Variants in BABAM2 observed in about 807,000 individuals in gnomAD.
BABAM2 encodes BRISC and BRCA1 A complex member 2.
A neutral mutation model predicts 54.7 loss-of-function variants in BABAM2; 31 were observed. The observed-to-expected ratio is 0.57, with a 90% CI of 0.43 to 0.77. The LOEUF is 0.77. Among genes scored for constraint, BABAM2 ranks in the 30% least tolerant of loss-of-function variants. The pLI is 0.00. For missense variants in BABAM2, 364 were observed against 455.8 expected (o/e 0.80, Z 1.83); for synonymous variants, 167 against 162.9 (o/e 1.03, Z -0.19).
chr2:27,993,712 C>G (rs1009810264), intron 4 of BABAM2, among the ~76,000 whole-genome samples: 1 of 152,122 alleles, frequency 6.6e-6, no homozygotes, highest in African/African-American at 2.4e-5. Context: ...GTGTTTGGGA[C>G]AAGCATCTTC....
At chr2:27,932,432 T>C (rs990118891) in intron 3 of BABAM2, among the ~76,000 whole-genome samples, 1 of 152,210 alleles carries the variant, frequency 6.6e-6, no homozygotes, top group Admixed American at 6.5e-5. Context: ...ATCATATTTT[T>C]TCCCTCTTTT....
intron 6 of BABAM2, among the ~76,000 whole-genome samples, chr2:28,074,668 A>G (rs569489141): frequency 2.0e-5 from 3 of 152,048 alleles, no homozygotes; most frequent in South Asian, 4.2e-4. Flanking sequence ...GGACTTTCTC[A>G]CTATCTTTTT....
chr2:28,290,183 G>A (rs1366452454), intron 10 of BABAM2, among the ~76,000 whole-genome samples: 2 of 152,156 alleles, frequency 1.3e-5, no homozygotes, highest in African/African-American at 4.8e-5. Context: ...TTAAACTGCT[G>A]TAAGGTATTC....
chr2:27,947,600 A>G (rs532585152), intron 3 of BABAM2, among the ~76,000 whole-genome samples: 1 of 152,214 alleles, frequency 6.6e-6, no homozygotes, highest in South Asian at 2.1e-4. Flanking sequence ...TTAGGTTACA[A>G]GTTTTTTATC....
chr2:27,962,695 A>G (rs571476652), intron 3 of BABAM2, among the ~76,000 whole-genome samples: 1 of 152,322 alleles, frequency 6.6e-6, no homozygotes, highest in East Asian at 1.9e-4. Context: ...TCAAGCTACT[A>G]TTTTGCTATA....
chr2:27,922,168 A>G (rs1267165265), intron 2 of BABAM2, among the ~76,000 whole-genome samples: 4 of 152,224 alleles, frequency 2.6e-5, no homozygotes, highest in Non-Finnish European at 5.9e-5. Context: ...ATCATCTGTA[A>G]AATGACAGTT....
chr2:28,267,855 G>T (rs1422390264), intron 10 of BABAM2, among the ~76,000 whole-genome samples: 1 of 152,182 alleles, frequency 6.6e-6, no homozygotes, highest in African/African-American at 2.4e-5. Context: ...AATTGTTGAT[G>T]AGCACATGTT....
chr2:28,265,707 A>G (rs554689251), intron 10 of BABAM2, among the ~76,000 whole-genome samples: 1 of 152,294 alleles, frequency 6.6e-6, no homozygotes, highest in South Asian at 2.1e-4. Flanking sequence ...TACTCTTGGA[A>G]CTAAGCCTTT....
intron 3 of BABAM2, among the ~76,000 whole-genome samples, chr2:27,977,002 C>A (rs1671656170): frequency 6.6e-6 from 1 of 152,150 alleles, no homozygotes; most frequent in African/African-American, 2.4e-5. Flanking sequence ...GAGCCTAATT[C>A]ATGTAAATAT....
chr2:28,230,362 G>A (rs767284749), intron 7 of BABAM2, among the ~76,000 whole-genome samples: 6 of 151,986 alleles, frequency 3.9e-5, no homozygotes, highest in Non-Finnish European at 7.4e-5. Flanking sequence ...TCTATAAAAT[G>A]AGTTGAGAGC....
At position 28,066,708 on chromosome 2, in the gene BABAM2, G is replaced by A. The variant is rs149586022; in HGVS notation, c.570+20909G>A. ...CATCACATCGGCTTCTCCAAAGGCT[G>A]CTTGAGTGTCTTCACAACATGGGGC... On this transcript the variant is annotated intron_variant, in intron 6 of 11. Coordinates refer to ENST00000379624, the MANE Select transcript of BABAM2 (RefSeq NM_199191.3). Among the ~76,000 whole-genome samples the A allele has an allele frequency of 2.2e-3, 338 of 152,286 alleles. 5 individuals are homozygous for A. Among genetic ancestry groups the A allele is most frequent in the African/African-American group, 7.4e-3 (306 of 41,546 alleles).
At chr2:28,013,412 C>G (rs926583460) in intron 4 of BABAM2, 1 of 455,532 alleles carries the variant, frequency 2.2e-6, no homozygotes, top group African/African-American at 2.0e-5. Flanking sequence ...TTGAAAAGTT[C>G]AGACTTAAAA....
intron 7 of BABAM2, among the ~76,000 whole-genome samples, chr2:28,190,631 G>A (rs915050755): frequency 1.3e-5 from 2 of 152,166 alleles, no homozygotes; most frequent in African/African-American, 4.8e-5. Context: ...AGTTTATGGA[G>A]AGCCGAGATG....
chr2:28,200,729 G>A lies in BABAM2; in HGVS notation c.681-36473G>A, dbSNP rs192926857. ...TTTCTTATTAAAAGCTCTATGCTAT[G>A]TACTAGTTTACCAGGTATCTATGGG... On this transcript the variant is annotated intron_variant, in intron 7 of 11. Transcript: ENST00000379624. Among the ~76,000 whole-genome samples, 408 of 151,184 alleles carry A rather than the reference G, an allele frequency of 2.7e-3. 1 individual carries two copies. Among genetic ancestry groups the A allele is most frequent in the African/African-American group, 9.4e-3 (386 of 41,112 alleles).
intron 2 of BABAM2, among the ~76,000 whole-genome samples, chr2:27,924,050 C>T (rs1431140022): frequency 6.6e-6 from 1 of 152,160 alleles, no homozygotes; most frequent in Non-Finnish European, 1.5e-5. Flanking sequence ...ATTTTGGTTA[C>T]TCTCCTTCTG....
At chr2:27,999,258 A>G (rs1285255964) in intron 4 of BABAM2, among the ~76,000 whole-genome samples, 1 of 152,026 alleles carries the variant, frequency 6.6e-6, no homozygotes, top group East Asian at 1.9e-4. Flanking sequence ...AGTAGAAAGT[A>G]GTGCTTATTG....
intron 7 of BABAM2, among the ~76,000 whole-genome samples, chr2:28,203,817 G>A (rs1308033155): frequency 1.3e-5 from 2 of 152,112 alleles, no homozygotes; most frequent in East Asian, 3.9e-4. Flanking sequence ...CCATTCCCAT[G>A]GTAATAAGCA....
At chr2:27,982,882 C>CACATAT (rs746699740) in intron 3 of BABAM2, among the ~76,000 whole-genome samples, 2 of 146,328 alleles carry the variant, frequency 1.4e-5, no homozygotes, top group African/African-American at 2.5e-5. Flanking sequence ...CACACACACA[C>CACATAT]ATATATGTCA....
At chr2:28,141,677 C>A (rs1055420612) in intron 7 of BABAM2, among the ~76,000 whole-genome samples, 3 of 152,128 alleles carry the variant, frequency 2.0e-5, no homozygotes, top group Non-Finnish European at 4.4e-5. Flanking sequence ...AGGACCATGA[C>A]CTCATTAAGC....
Sources: allele counts gnomAD v4.1 joint callset (sites outside exome capture counted in the v4.1 genomes callset), GRCh38; gene constraint gnomAD v4.1.1; transcripts MANE v1.5; gene names NCBI Gene and HGNC (gene_info 2026-07-23, HGNC 2026-07-21).